Variants in PDZRN3 observed in about 807,000 individuals in gnomAD.
PDZRN3 encodes PDZ domain containing ring finger 3.
In PDZRN3, 38 loss-of-function variants were observed where a neutral mutation model predicts 85.7. The ratio of observed to expected loss-of-function variants is 0.44; its 90% confidence interval spans 0.34 to 0.58. The LOEUF (loss-of-function observed/expected upper bound fraction) is 0.58, where lower values mean the gene tolerates loss of function less well. Among genes scored for constraint, PDZRN3 ranks in the 20% least tolerant of loss-of-function variants. The pLI is 0.01. For missense variants in PDZRN3, 1,629 were observed against 1,506.4 expected, an observed-to-expected ratio of 1.08 and a Z score of -1.35; for synonymous variants, 759 against 638.0, an observed-to-expected ratio of 1.19 and a Z score of -2.86.
chr3:73,408,598 G>A (rs978545382), intron 3 of PDZRN3, among the ~76,000 whole-genome samples: 2 of 151,554 alleles, frequency 1.3e-5, no homozygotes, highest in Non-Finnish European at 2.9e-5. Flanking sequence ...AGGGGGGGGG[G>A]TGCAACAGAA....
chr3:73,481,951 A>G (rs1345338395), intron 3 of PDZRN3, among the ~76,000 whole-genome samples: 8 of 152,120 alleles, frequency 5.3e-5, no homozygotes. Flanking sequence ...ATTAAGGACT[A>G]AACACAGATG....
intron 2 of PDZRN3, among the ~76,000 whole-genome samples, chr3:73,607,191 T>C (rs1203891257): frequency 6.6e-6 from 1 of 152,224 alleles, no homozygotes; most frequent in African/African-American, 2.4e-5. Context: ...ACACAATGCA[T>C]TGGAATGGCA....
intron 3 of PDZRN3, among the ~76,000 whole-genome samples, chr3:73,529,695 G>A (rs954894107): frequency 1.3e-5 from 2 of 152,230 alleles, no homozygotes; most frequent in East Asian, 3.9e-4. Flanking sequence ...TGGATAGAAA[G>A]ATAAGAAATC....
chr3:73,393,094 C>T lies in PDZRN3; in HGVS notation c.1255-1978G>A, dbSNP rs573497582. 3.0e-4 allele frequency among the ~76,000 whole-genome samples: 46 copies of T among 152,150 alleles called. 1 individual carries two copies. The South Asian group carries it at 7.3e-3, about 24-fold the overall frequency. Reference sequence around the variant, plus strand: ...GTTAGTGTGAATCAACGAAATATCACGACGGTTTAGGTCCAACTGCACAGA... The same window carrying T: ...GTTAGTGTGAATCAACGAAATATCATGACGGTTTAGGTCCAACTGCACAGA... On this transcript the variant is annotated intron_variant, in intron 5 of 9. Transcript: ENST00000263666.
At chr3:73,484,627 A>G (rs1703631424) in intron 3 of PDZRN3, among the ~76,000 whole-genome samples, 1 of 152,226 alleles carries the variant, frequency 6.6e-6, no homozygotes, top group Admixed American at 6.5e-5. Flanking sequence ...GTATTAAAGG[A>G]TAAGAGAGAA....
chr3:73,542,505 G>T (rs1211903158), intron 3 of PDZRN3, among the ~76,000 whole-genome samples: 2 of 152,232 alleles, frequency 1.3e-5, no homozygotes, highest in African/African-American at 2.4e-5. Context: ...CGGGTGTGGT[G>T]GCCCATATCT....
intron 3 of PDZRN3, among the ~76,000 whole-genome samples, chr3:73,441,280 G>T (rs1702630163): frequency 6.6e-6 from 1 of 151,884 alleles, no homozygotes; most frequent in South Asian, 2.1e-4. Flanking sequence ...GGGCGTGGTG[G>T]AGCATGCCTG....
At chr3:73,404,726 C>G (rs893752379) in intron 3 of PDZRN3, among the ~76,000 whole-genome samples, 1 of 152,186 alleles carries the variant, frequency 6.6e-6, no homozygotes, top group Non-Finnish European at 1.5e-5. Context: ...CTTTATCAGG[C>G]AATAATAGCT....
At chr3:73,539,823 C>G (rs1276667081) in intron 3 of PDZRN3, among the ~76,000 whole-genome samples, 1 of 151,920 alleles carries the variant, frequency 6.6e-6, no homozygotes, top group Non-Finnish European at 1.5e-5. Flanking sequence ...TTTATTCCTG[C>G]TAGGTATAGC....
intron 5 of PDZRN3, among the ~76,000 whole-genome samples, chr3:73,398,436 C>G (rs988045297): frequency 6.6e-6 from 1 of 152,134 alleles, no homozygotes; most frequent in Non-Finnish European, 1.5e-5. Context: ...ACCGAGGTAC[C>G]TAGGAACCTT....
At chr3:73,452,593 T>A (rs1158685218) in intron 3 of PDZRN3, among the ~76,000 whole-genome samples, 1 of 152,124 alleles carries the variant, frequency 6.6e-6, no homozygotes, top group Non-Finnish European at 1.5e-5. Context: ...TCCAGGATCA[T>A]CTCATCCACC....
intron 3 of PDZRN3, among the ~76,000 whole-genome samples, chr3:73,551,688 CAAAAAAAAA>C (rs71126878): frequency 2.9e-5 from 3 of 104,586 alleles, no homozygotes; most frequent in East Asian, 2.7e-4. Flanking sequence ...GACCCTGTTT[CAAAAAAAAA>C]AAAAAAAAAA....
intron 3 of PDZRN3, among the ~76,000 whole-genome samples, chr3:73,563,179 C>A (rs574928396): frequency 6.7e-6 from 1 of 149,808 alleles, no homozygotes; most frequent in Middle Eastern, 3.4e-3. Flanking sequence ...CCACCACGCC[C>A]GGCTATTTTT....
intron 3 of PDZRN3, among the ~76,000 whole-genome samples, chr3:73,445,452 A>G (rs1702727997): frequency 6.6e-6 from 1 of 152,140 alleles, no homozygotes; most frequent in South Asian, 2.1e-4. Flanking sequence ...GAAAAACAAA[A>G]CAAAACAAAA....
chr3:73,393,549 C>A (rs979457420), intron 5 of PDZRN3, among the ~76,000 whole-genome samples: 1 of 152,194 alleles, frequency 6.6e-6, no homozygotes. Flanking sequence ...GGGTGAGTTA[C>A]ACAGTCACAC....
chr3:73,448,932 C>T (rs1702804858), intron 3 of PDZRN3, among the ~76,000 whole-genome samples: 1 of 152,304 alleles, frequency 6.6e-6, no homozygotes. Context: ...CATGCTACCA[C>T]AAACCTTCTA....
chr3:73,437,066 T>C (rs1037866774), intron 3 of PDZRN3, among the ~76,000 whole-genome samples: 5 of 146,938 alleles, frequency 3.4e-5, no homozygotes, highest in African/African-American at 1.3e-4. Context: ...AAAAAAAAAA[T>C]TACTGAGAAC....
intron 3 of PDZRN3, among the ~76,000 whole-genome samples, chr3:73,531,742 A>C (rs568978660): frequency 6.6e-6 from 1 of 152,218 alleles, no homozygotes; most frequent in South Asian, 2.1e-4. Context: ...AAATACACAC[A>C]TTTGCTCATC....
intron 3 of PDZRN3, among the ~76,000 whole-genome samples, chr3:73,559,889 C>G (rs1015324639): frequency 6.6e-6 from 1 of 152,180 alleles, no homozygotes; most frequent in Non-Finnish European, 1.5e-5. Flanking sequence ...TTAGTTCTTC[C>G]TTAGAGTCAA....
Sources: allele counts gnomAD v4.1 joint callset (sites outside exome capture counted in the v4.1 genomes callset), GRCh38; gene constraint gnomAD v4.1.1; transcripts MANE v1.5; gene names NCBI Gene and HGNC (gene_info 2026-07-23, HGNC 2026-07-21).